SCARB2: variants seen among roughly 807,000 people sequenced by gnomAD.
SCARB2 encodes the protein lysosome membrane protein 2.
In SCARB2, 29 loss-of-function variants were observed where a neutral mutation model predicts 58.6. The observed-to-expected ratio is 0.49, with a 90% confidence interval of 0.37 to 0.67. The LOEUF is 0.67. Among genes scored for constraint, SCARB2 ranks in the 30% least tolerant of loss-of-function variants. The probability of loss-of-function intolerance (pLI) is 0.00; values close to 1 mark genes in which losing one functional copy is unlikely to be tolerated. For synonymous variants in SCARB2, 195 were observed against 210.1 expected (o/e 0.93, Z 0.62); for missense variants, 488 against 578.5 (o/e 0.84, Z 1.60).
At position 76,213,610 on chromosome 4, in the gene SCARB2, G is replaced by A; in HGVS notation, c.-67C>T. On this transcript the variant is annotated 5_prime_UTR_variant, in exon 1 of 12. Transcript: ENST00000264896. ...GGGATCCAACTGCAAGGAGGGAGGAGCCGCCGCAGAGGCGTCGAAGACCCG... is the reference window on the plus strand; with the variant it reads ...GGGATCCAACTGCAAGGAGGGAGGAACCGCCGCAGAGGCGTCGAAGACCCG... 5.9e-6 allele frequency: 8 copies of A among 1,354,088 alleles called. No homozygotes were observed. The South Asian group carries it at 8.4e-5, about 14-fold the overall frequency. 83.9% of individuals were successfully genotyped at this position (1,354,088 alleles called of 1,614,324 possible).
chr4:76,218,006 G>GTGTTA (rs1733243939), upstream of SCARB2, among the ~76,000 whole-genome samples: 1 of 152,178 alleles, frequency 6.6e-6, no homozygotes, highest in Non-Finnish European at 1.5e-5. Context: ...TATGTTCAAA[G>GTGTTA]TGTTAATGTG....
intron 1 of SCARB2, 91 bp downstream of exon 1, chr4:76,213,336 G>C: frequency 1.1e-6 from 1 of 886,054 alleles, no homozygotes; most frequent in Non-Finnish European, 1.9e-6. Flanking sequence ...GTCTGCCTGA[G>C]TGCTGGTCTT....
rs893062218 is a variant in SCARB2, at chr4:76,213,646, G to A, written c.-103C>T. 20 of 888,628 alleles carry A rather than the reference G, an allele frequency of 2.3e-5. No homozygotes were observed. Among genetic ancestry groups the A allele is most frequent in the South Asian group, 2.9e-5 (2 of 69,264 alleles). The allele number at this position is 888,628 out of a possible 1,614,324, so 55.0% of individuals were successfully genotyped here. A position where few individuals can be genotyped will look rare whatever the true frequency, so the allele number is the denominator to read the frequency against. The stretch of plus-strand genomic sequence containing the variant: ...GGCGTCGAAGACCCGGGACCCTTCG[G>A]CGCCACGCCCACGCCCTCCCGGCGC... On this transcript the variant is annotated 5_prime_UTR_variant, in exon 1 of 12. Transcript: ENST00000264896.
At chr4:76,191,542 C>G (rs1352549607) in intron 2 of SCARB2, among the ~76,000 whole-genome samples, 1 of 152,048 alleles carries the variant, frequency 6.6e-6, no homozygotes, top group Non-Finnish European at 1.5e-5. Flanking sequence ...ATGTGACATG[C>G]CTGCTCCCCC....
intron 11 of SCARB2, chr4:76,162,979 G>A: frequency 1.6e-6 from 1 of 606,844 alleles, no homozygotes; most frequent in Admixed American, 2.9e-5. Context: ...AACTCCCAGG[G>A]GATACATCCA....
At chr4:76,229,418 G>A (rs186913198) in intron 1 of SCARB2, among the ~76,000 whole-genome samples, 28 of 152,232 alleles carry the variant, frequency 1.8e-4, no homozygotes, top group Admixed American at 3.3e-4. Context: ...ATAGAACCTT[G>A]TTTTGTCATA....
At chr4:76,223,437 T>C (rs1733343375) in intron 1 of SCARB2, among the ~76,000 whole-genome samples, 1 of 152,296 alleles carries the variant, frequency 6.6e-6, no homozygotes, top group East Asian at 1.9e-4. Flanking sequence ...CTGGGTACTG[T>C]GAGAAGACAG....
chr4:76,178,423 G>T (rs1732306498), intron 4 of SCARB2, among the ~76,000 whole-genome samples: 2 of 152,190 alleles, frequency 1.3e-5, no homozygotes, highest in African/African-American at 4.8e-5. Context: ...AACAAAAAAA[G>T]TGAGTTATAT....
At position 76,213,361 on chromosome 4, in the gene SCARB2, T is replaced by C. The variant is rs2109974057; in HGVS notation, c.117+66A>G. Reference sequence around the variant, plus strand: ...GTGCTGGTCTTTCCCATACAAGATGTAGCAGCAGGGATGGGAGGGTGAGCT... The same window carrying C: ...GTGCTGGTCTTTCCCATACAAGATGCAGCAGCAGGGATGGGAGGGTGAGCT... On this transcript the variant is annotated intron_variant, in intron 1 of 11. Coordinates refer to ENST00000264896, the MANE Select transcript of SCARB2 (RefSeq NM_005506.4). 4 of 1,074,216 alleles carry C rather than the reference T, an allele frequency of 3.7e-6. 1 individual carries two copies. In the South Asian group the frequency reaches 3.9e-5, roughly 10 times the overall value. The allele number at this position is 1,074,216 out of a possible 1,614,324, so 66.5% of individuals were successfully genotyped here.
At chr4:76,213,222 A>C in intron 1 of SCARB2, 1 of 603,300 alleles carries the variant, frequency 1.7e-6, no homozygotes, top group Non-Finnish European at 3.0e-6. Flanking sequence ...CTTACTTATC[A>C]CTGTAAAGGG....
intron 5 of SCARB2, chr4:76,176,235 A>G: frequency 1.6e-6 from 1 of 608,604 alleles, no homozygotes; most frequent in Non-Finnish European, 2.9e-6. Flanking sequence ...TGGCCATGAT[A>G]AATCTACAAA....
chr4:76,197,894 T>A (rs1254660797), intron 1 of SCARB2, among the ~76,000 whole-genome samples: 4 of 151,468 alleles, frequency 2.6e-5, no homozygotes, highest in African/African-American at 7.3e-5. Flanking sequence ...TGTTCCCTTA[T>A]CTTTTTTTTT....
chr4:76,196,607 G>C (rs1056337586), intron 1 of SCARB2, among the ~76,000 whole-genome samples: 1 of 152,164 alleles, frequency 6.6e-6, no homozygotes, highest in African/African-American at 2.4e-5. Flanking sequence ...GCCCAAGAAG[G>C]CCAGTTTTGG....
chr4:76,198,881 C>A (rs114006102), intron 1 of SCARB2, among the ~76,000 whole-genome samples: 1 of 148,176 alleles, frequency 6.7e-6, no homozygotes. Context: ...TGTGCTCATG[C>A]GAATGCACTA....
chr4:76,217,492 A>T (rs1733228271), upstream of SCARB2: 1 of 409,316 alleles, frequency 2.4e-6, no homozygotes, highest in African/African-American at 2.0e-5. Flanking sequence ...CGGGTTGTTG[A>T]AAAGAGCTGG....
chr4:76,208,548 G>T (rs902969221), intron 1 of SCARB2, among the ~76,000 whole-genome samples: 1 of 152,170 alleles, frequency 6.6e-6, no homozygotes, highest in African/African-American at 2.4e-5. Flanking sequence ...GAGCAAGCCC[G>T]GATGAGTACA....
At chr4:76,230,054 T>C (rs940424081) in intron 1 of SCARB2, among the ~76,000 whole-genome samples, 1 of 152,180 alleles carries the variant, frequency 6.6e-6, no homozygotes, top group Non-Finnish European at 1.5e-5. Context: ...AGGATATGTA[T>C]TTGGGTTTCT....
chr4:76,183,385 G>A (rs1253686203), intron 2 of SCARB2, among the ~76,000 whole-genome samples: 5 of 152,186 alleles, frequency 3.3e-5, no homozygotes, highest in Non-Finnish European at 7.3e-5. Flanking sequence ...CTGAACTAAT[G>A]GCTATAAATT....
intron 5 of SCARB2, 84 bp downstream of exon 5, chr4:76,176,353 C>T (rs1732251165): frequency 1.1e-6 from 1 of 917,092 alleles, no homozygotes; most frequent in Non-Finnish European, 1.7e-6. Context: ...AAAGGCTAAA[C>T]ACATTTTTAA....
Sources: gnomAD v4.1 joint callset for allele counts (sites outside exome capture counted in the v4.1 genomes callset) on GRCh38, gnomAD v4.1.1 for gene constraint, MANE v1.5 for transcripts, NCBI Gene and HGNC (gene_info 2026-07-23, HGNC 2026-07-21) for gene names.